RAB11FIP2: variants seen among roughly 807,000 people sequenced by gnomAD.
RAB11FIP2 encodes rab11 family-interacting protein 2.
A neutral mutation model predicts 40.9 loss-of-function variants in RAB11FIP2; 16 were observed. The observed-to-expected ratio is 0.39, with a 90% CI of 0.26 to 0.59. The LOEUF (loss-of-function observed/expected upper bound fraction) is 0.59. Ranked by LOEUF, RAB11FIP2 falls within the 20% of genes least tolerant of loss-of-function variation. The pLI is 0.53. For missense variants in RAB11FIP2, 532 were observed against 606.2 expected (o/e 0.88, Z 1.28); for synonymous variants, 228 against 213.7 (o/e 1.07, Z -0.58).
chr10:118,017,982 T>A (rs947233408), intron 3 of RAB11FIP2: 4 of 152,136 alleles, frequency 2.6e-5, no homozygotes, highest in African/African-American at 9.7e-5. Context: ...ATGCTGAAAA[T>A]GTCGCAACTC....
intron 3 of RAB11FIP2, chr10:118,034,053 A>C (rs1377230138): frequency 2.9e-6 from 2 of 701,242 alleles, no homozygotes; most frequent in African/African-American, 3.5e-5. Context: ...TGTAAAGCCC[A>C]AACAATAAAT....
intron 3 of RAB11FIP2, among the ~76,000 whole-genome samples, chr10:118,019,881 C>T (rs1162235254): frequency 1.3e-5 from 2 of 149,808 alleles, no homozygotes; most frequent in Non-Finnish European, 3.0e-5. Context: ...AAGGTATATA[C>T]TGAGAACTGT....
chr10:118,017,091 T>G (rs1482522479), intron 3 of RAB11FIP2, among the ~76,000 whole-genome samples: 1 of 152,164 alleles, frequency 6.6e-6, no homozygotes. Context: ...ACATCTTCAT[T>G]TTAAAGGTAA....
intron 3 of RAB11FIP2, chr10:118,034,152 G>A (rs1044221279): frequency 9.2e-6 from 6 of 655,156 alleles, no homozygotes; most frequent in East Asian, 5.7e-5. Flanking sequence ...GGCTGTGTTC[G>A]AACAAAACTT....
rs926055557 is a variant in RAB11FIP2, at chr10:118,006,300, C to A, written c.*2698G>T. The A allele has an allele frequency of 2.0e-5, 3 of 152,472 alleles. No homozygotes were observed. The East Asian group carries it at 5.8e-4, about 29-fold the overall frequency. The allele number at this position is 152,472 out of a possible 1,614,324, so 9.4% of individuals were successfully genotyped here. On this transcript the variant is annotated 3_prime_UTR_variant, in exon 5 of 5. Coordinates refer to ENST00000355624, the MANE Select transcript of RAB11FIP2 (RefSeq NM_014904.3). ...CAGAAGTACATTAGCTTAAGATAGT[C>A]TTGAGATAAATATCAATTCTGTGAT...
intron 3 of RAB11FIP2, among the ~76,000 whole-genome samples, chr10:118,030,542 C>A (rs1380849510): frequency 6.6e-6 from 1 of 152,224 alleles, no homozygotes; most frequent in East Asian, 1.9e-4. Flanking sequence ...GTCCTAACAA[C>A]ACATTAAAAT....
At chr10:118,029,224 A>G (rs373708005) in intron 3 of RAB11FIP2, among the ~76,000 whole-genome samples, 33 of 151,906 alleles carry the variant, frequency 2.2e-4, no homozygotes, top group East Asian at 1.4e-3. Flanking sequence ...AGTCCCCCCA[A>G]TACCCCCCTA....
At chr10:118,041,570 A>G (rs1846559124) in intron 1 of RAB11FIP2, among the ~76,000 whole-genome samples, 1 of 152,206 alleles carries the variant, frequency 6.6e-6, no homozygotes, top group Non-Finnish European at 1.5e-5. Context: ...GCAATGAGGC[A>G]TAATATCCAT....
intron 3 of RAB11FIP2, among the ~76,000 whole-genome samples, chr10:118,019,753 G>A (rs183527960): frequency 6.6e-6 from 1 of 151,924 alleles, no homozygotes; most frequent in East Asian, 2.0e-4. Context: ...ATGAACCCGG[G>A]AGGCAGAGCT....
At chr10:118,012,514 A>G (rs1029689773) in intron 4 of RAB11FIP2, among the ~76,000 whole-genome samples, 1 of 151,608 alleles carries the variant, frequency 6.6e-6, no homozygotes, top group Non-Finnish European at 1.5e-5. Flanking sequence ...TCTTAAATTG[A>G]CTGATATACT....
chr10:118,021,831 A>C (rs1470855379), intron 3 of RAB11FIP2, among the ~76,000 whole-genome samples: 1 of 152,136 alleles, frequency 6.6e-6, no homozygotes, highest in East Asian at 1.9e-4. Context: ...CTTCACCCTT[A>C]GGTGGGAAAC....
chr10:118,021,871 C>T (rs1846286701), intron 3 of RAB11FIP2, among the ~76,000 whole-genome samples: 1 of 152,210 alleles, frequency 6.6e-6, no homozygotes, highest in South Asian at 2.1e-4. Context: ...TGTTTTCAGG[C>T]CTTTTCCGCT....
intron 4 of RAB11FIP2, among the ~76,000 whole-genome samples, chr10:118,011,938 A>G (rs929318920): frequency 1.3e-5 from 2 of 152,096 alleles, no homozygotes; most frequent in South Asian, 4.1e-4. Context: ...AATTACACAT[A>G]TATAAACTGA....
At chr10:118,035,547 A>G (rs144545742) in intron 3 of RAB11FIP2, among the ~76,000 whole-genome samples, 10 of 152,234 alleles carry the variant, frequency 6.6e-5, no homozygotes, top group Non-Finnish European at 1.0e-4. Context: ...TACTGTGTGC[A>G]TTAGGAAACT....
Position 118,045,865 on chromosome 10 carries a change from T to A in RAB11FIP2, c.299A>T (p.Gln100Leu). The A allele has an allele frequency of 6.2e-7, 1 of 1,614,062 alleles. No homozygotes were observed. Among genetic ancestry groups the A allele is most frequent in the Non-Finnish European group, 8.5e-7 (1 of 1,179,956 alleles). ...GATGTCATTGAGATTGATTGCCACC[T>A]GCCCTAAAAATTTATCCAGACCCAC... is the stretch of plus-strand genomic sequence containing the variant. Reference protein sequence around the residue: ...SLVGLDKFLGQVAINLNDIFE... With the variant: ...SLVGLDKFLGLVAINLNDIFE... The change falls in exon 1 of 5, where the codon CAG becomes CTG. Residue 100 changes from glutamine (Q) to leucine (L), a missense_variant. Coordinates refer to ENST00000355624, the MANE Select transcript of RAB11FIP2 (RefSeq NM_014904.3).
chr10:118,031,904 A>G (rs1315537870), intron 3 of RAB11FIP2, among the ~76,000 whole-genome samples: 1 of 152,052 alleles, frequency 6.6e-6, no homozygotes, highest in East Asian at 1.9e-4. Context: ...ATGAGTCACA[A>G]ATAGAAGGTC....
chr10:118,035,477 G>A (rs1397412665), intron 3 of RAB11FIP2, among the ~76,000 whole-genome samples: 1 of 152,094 alleles, frequency 6.6e-6, no homozygotes, highest in East Asian at 1.9e-4. Context: ...CACAGCCCAC[G>A]CAAGCAGGGC....
At chr10:118,038,431 T>C (rs1846509279) in intron 3 of RAB11FIP2, among the ~76,000 whole-genome samples, 1 of 152,076 alleles carries the variant, frequency 6.6e-6, no homozygotes, top group African/African-American at 2.4e-5. Context: ...TGGGTATACC[T>C]ACAGAACCCA....
chr10:118,022,231 G>A (rs907867723), intron 3 of RAB11FIP2, among the ~76,000 whole-genome samples: 3 of 152,106 alleles, frequency 2.0e-5, no homozygotes, highest in African/African-American at 7.2e-5. Context: ...TTTCCTCCCT[G>A]CTCATTTTTA....
Sources: allele counts gnomAD v4.1 joint callset (sites outside exome capture counted in the v4.1 genomes callset), GRCh38; gene constraint gnomAD v4.1.1; transcripts MANE v1.5; gene names NCBI Gene and HGNC (gene_info 2026-07-23, HGNC 2026-07-21).